The following TBL1XR1 variants were observed in gnomAD, a reference collection of about 807,000 sequenced individuals.
TBL1XR1 encodes the protein TBL1X/Y related 1.
In TBL1XR1, 5 loss-of-function variants were observed where a neutral mutation model predicts 66.9. The observed-to-expected ratio is 0.07, with a 90% CI of 0.04 to 0.16. The LOEUF is 0.16. Among genes scored for constraint, TBL1XR1 ranks in the 10% least tolerant of loss-of-function variants. The probability of loss-of-function intolerance (pLI) is 1.00; values close to 1 mark genes in which losing one functional copy is unlikely to be tolerated. For synonymous variants in TBL1XR1, 210 were observed against 206.0 expected, an observed-to-expected ratio of 1.02 and a Z score of -0.17; for missense variants, 238 against 623.2, an observed-to-expected ratio of 0.38 and a Z score of 6.58.
chr3:177,079,649 G>A (rs549683685), intron 2 of TBL1XR1: 4 of 151,908 alleles, frequency 2.6e-5, no homozygotes, highest in South Asian at 2.1e-4. Flanking sequence ...ATAGTCAAAC[G>A]TCAAGAAGAG....
chr3:177,183,532 AC>A (rs1020005332), intron 1 of TBL1XR1, among the ~76,000 whole-genome samples: 2 of 152,088 alleles, frequency 1.3e-5, no homozygotes, highest in Non-Finnish European at 2.9e-5. Context: ...TTTTTTTGAG[AC>A]GGAGTTTCAC....
chr3:177,064,217 T>C (rs915302262), intron 3 of TBL1XR1, among the ~76,000 whole-genome samples: 1 of 152,174 alleles, frequency 6.6e-6, no homozygotes, highest in Admixed American at 6.5e-5. Flanking sequence ...AATCACCAAA[T>C]GCTTTCATTT....
intron 12 of TBL1XR1, among the ~76,000 whole-genome samples, chr3:177,034,759 C>T (rs1471198171): frequency 6.7e-6 from 1 of 149,396 alleles, no homozygotes; most frequent in South Asian, 2.1e-4. Context: ...TCACAGAGAA[C>T]CGTAAAAAGT....
chr3:177,071,457 G>C (rs1004848663), intron 2 of TBL1XR1, among the ~76,000 whole-genome samples: 1 of 152,096 alleles, frequency 6.6e-6, no homozygotes, highest in African/African-American at 2.4e-5. Flanking sequence ...ACGTAACTCA[G>C]ACTAGTAAGT....
intron 2 of TBL1XR1, among the ~76,000 whole-genome samples, chr3:177,088,365 C>A (rs1194752973): frequency 6.6e-6 from 1 of 152,122 alleles, no homozygotes; most frequent in African/African-American, 2.4e-5. Flanking sequence ...AAACTGCCCT[C>A]AGGCTATATA....
intron 1 of TBL1XR1, among the ~76,000 whole-genome samples, chr3:177,176,791 G>A (rs1734210343): frequency 6.6e-6 from 1 of 151,976 alleles, no homozygotes; most frequent in African/African-American, 2.4e-5. Flanking sequence ...CTCCAGCCTG[G>A]GCAGAAGAAA....
In TBL1XR1 at chr3:177,170,898, C is replaced by G. The variant is rs1733384771; in HGVS notation, c.-122+26223G>C. Among the ~76,000 whole-genome samples the G allele has an allele frequency of 3.3e-5, 5 of 152,236 alleles. No individual in the cohort carries two copies. The South Asian group carries it at 1.0e-3, about 32-fold the overall frequency. On this transcript the variant is annotated intron_variant, in intron 1 of 15. Transcript: ENST00000457928. ...GGGATTGCAGGCATGAGCCACCGTG[C>G]CAATGATCATGTCTTACCTGTCCCT...
In TBL1XR1 at chr3:177,124,898, C is replaced by G. The variant is rs955158535; in HGVS notation, c.-121-26357G>C. ...AAATGCAAAAGAAATGAATTTAGAA[C>G]CCTACTTCACACCATATAAAAAATT... On this transcript the variant is annotated intron_variant, in intron 1 of 15. Transcript: ENST00000457928. 2.6e-5 allele frequency among the ~76,000 whole-genome samples: 4 copies of G among 151,922 alleles called. No homozygotes were observed. The South Asian group carries it at 8.3e-4, about 32-fold the overall frequency.
intron 1 of TBL1XR1, among the ~76,000 whole-genome samples, chr3:177,183,454 G>A (rs537219343): frequency 5.9e-5 from 9 of 152,286 alleles, no homozygotes; most frequent in Admixed American, 3.9e-4. Flanking sequence ...TGATAAAGCA[G>A]TTGTCAGTTG....
At chr3:177,088,722 AAAG>A (rs1003427011) in intron 2 of TBL1XR1, among the ~76,000 whole-genome samples, 4 of 147,208 alleles carry the variant, frequency 2.7e-5, no homozygotes, top group African/African-American at 7.5e-5. Flanking sequence ...AAAAAAAAAA[AAAG>A]AAAAGAAAAG....
chr3:177,193,742 C>G (rs1253111207), intron 1 of TBL1XR1, among the ~76,000 whole-genome samples: 2 of 137,456 alleles, frequency 1.5e-5, no homozygotes, highest in Admixed American at 1.4e-4. Context: ...TGATTAGAAA[C>G]ACAAGTTTTT....
chr3:177,077,720 A>G (rs1382491633), intron 2 of TBL1XR1, among the ~76,000 whole-genome samples: 1 of 152,136 alleles, frequency 6.6e-6, no homozygotes, highest in Non-Finnish European at 1.5e-5. Flanking sequence ...TTCTGTTTCA[A>G]CTGCACTTGT....
intron 2 of TBL1XR1, among the ~76,000 whole-genome samples, chr3:177,093,162 A>G (rs557693814): frequency 6.6e-6 from 1 of 152,190 alleles, no homozygotes; most frequent in Non-Finnish European, 1.5e-5. Flanking sequence ...TCTTCTATAC[A>G]TCAACAGCAA....
intron 1 of TBL1XR1, among the ~76,000 whole-genome samples, chr3:177,121,018 T>C (rs553100459): frequency 1.2e-4 from 18 of 152,302 alleles, no homozygotes; most frequent in Non-Finnish European, 1.9e-4. Context: ...AAAGTCTACA[T>C]TCTTTAAATA....
chr3:177,103,460 G>T (rs1724481152), intron 1 of TBL1XR1, among the ~76,000 whole-genome samples: 2 of 152,136 alleles, frequency 1.3e-5, no homozygotes, highest in Admixed American at 6.5e-5. Flanking sequence ...TTTAGATAAG[G>T]CTTACAGCAT....
At chr3:177,198,291 G>C (rs951182677), upstream of TBL1XR1, among the ~76,000 whole-genome samples, 1 of 152,162 alleles carries the variant, frequency 6.6e-6, no homozygotes, top group African/African-American at 2.4e-5. Flanking sequence ...AATGTACTGT[G>C]AATCAAGCAT....
intron 1 of TBL1XR1, among the ~76,000 whole-genome samples, chr3:177,136,507 T>C (rs960069765): frequency 5.3e-5 from 8 of 152,226 alleles, no homozygotes; most frequent in African/African-American, 1.9e-4. Flanking sequence ...CTTGAACTCC[T>C]GACCTCAAGT....
At chr3:177,067,464 A>T (rs181696549) in intron 2 of TBL1XR1, among the ~76,000 whole-genome samples, 2 of 140,582 alleles carry the variant, frequency 1.4e-5, no homozygotes, top group East Asian at 4.4e-4. Context: ...TTCCCAGCTG[A>T]AACTAGTAAC....
chr3:177,076,194 GCAAAGCC>G (rs1197063399), intron 2 of TBL1XR1, among the ~76,000 whole-genome samples: 2 of 152,116 alleles, frequency 1.3e-5, no homozygotes, highest in Non-Finnish European at 2.9e-5. Context: ...TTCACTGAGG[GCAAAGCC>G]CTTATGTCTT....
Sources: gnomAD v4.1 joint callset for allele counts (sites outside exome capture counted in the v4.1 genomes callset) on GRCh38, gnomAD v4.1.1 for gene constraint, MANE v1.5 for transcripts, NCBI Gene and HGNC (gene_info 2026-07-23, HGNC 2026-07-21) for gene names.